The following RUNX2 variants were observed in gnomAD, a reference collection of about 807,000 sequenced individuals.
RUNX2 encodes RUNX family transcription factor 2.
A neutral mutation model predicts 51.7 loss-of-function variants in RUNX2; 10 were observed. The observed-to-expected ratio is 0.19, with a 90% CI of 0.12 to 0.33. RUNX2 has a LOEUF of 0.33. RUNX2 is among the 10% of genes least tolerant of loss of function. RUNX2 has a pLI of 1.00. For missense variants in RUNX2, 562 were observed against 691.3 expected, an observed-to-expected ratio of 0.81 and a Z score of 2.10; for synonymous variants, 276 against 273.6, an observed-to-expected ratio of 1.01 and a Z score of -0.09.
chr6:45,469,001 T>C (rs751215625), intron 5 of RUNX2, among the ~76,000 whole-genome samples: 15 of 152,250 alleles, frequency 9.9e-5, no homozygotes, highest in Non-Finnish European at 2.1e-4. Context: ...ACCTTTTGAT[T>C]TGAATATATT....
intron 2 of RUNX2, among the ~76,000 whole-genome samples, chr6:45,361,920 G>A (rs1028288387): frequency 2.0e-5 from 3 of 152,080 alleles, no homozygotes; most frequent in Non-Finnish European, 4.4e-5. Context: ...GCGTGGTAGC[G>A]CATGCCTGTA....
intron 4 of RUNX2, among the ~76,000 whole-genome samples, chr6:45,436,495 T>C (rs985626302): frequency 1.3e-5 from 2 of 152,082 alleles, no homozygotes; most frequent in Admixed American, 1.3e-4. Flanking sequence ...ACTTAATACG[T>C]TTCTAATTGT....
At chr6:45,351,209 T>G (rs562002923) in intron 2 of RUNX2, among the ~76,000 whole-genome samples, 1 of 152,094 alleles carries the variant, frequency 6.6e-6, no homozygotes, top group African/African-American at 2.4e-5. Flanking sequence ...AAAAAAATTA[T>G]GCTCTAAATT....
At chr6:45,534,343 T>C (rs997978814) in intron 7 of RUNX2, among the ~76,000 whole-genome samples, 3 of 152,212 alleles carry the variant, frequency 2.0e-5, no homozygotes, top group Non-Finnish European at 4.4e-5. Context: ...GCCTTCTTTC[T>C]CTGATGAAGC....
At chr6:45,340,641 C>G (rs538244583) in intron 2 of RUNX2, among the ~76,000 whole-genome samples, 1 of 150,494 alleles carries the variant, frequency 6.6e-6, no homozygotes, top group South Asian at 2.1e-4. Context: ...CGAGTTTGAT[C>G]AGAAAAAAAA....
intron 2 of RUNX2, among the ~76,000 whole-genome samples, chr6:45,338,494 T>C (rs530742759): frequency 5.1e-4 from 78 of 152,200 alleles, no homozygotes; most frequent in Non-Finnish European, 6.5e-4. Context: ...TTAAGAAACT[T>C]TGACAGCTAC....
At position 45,458,569 on chromosome 6, in the gene RUNX2, A is replaced by C. The variant is rs758336252; in HGVS notation, c.685+20518A>C. Among the ~76,000 whole-genome samples the C allele has an allele frequency of 5.3e-5, 8 of 152,212 alleles. 1 individual carries two copies. The highest frequency in any genetic ancestry group is 9.7e-5 in the African/African-American group (4 of 41,450). ...TACATTATGATCTCCTTCAGTTTCT[A>C]ATCCTTTTTGCCAAGTAAATAAATT... On this transcript the variant is annotated intron_variant, in intron 5 of 8. Coordinates refer to ENST00000647337, the MANE Select transcript of RUNX2 (RefSeq NM_001024630.4).
At chr6:45,538,087 C>G (rs1802092253) in intron 7 of RUNX2, among the ~76,000 whole-genome samples, 1 of 152,150 alleles carries the variant, frequency 6.6e-6, no homozygotes, top group Admixed American at 6.5e-5. Context: ...GTATTTCATG[C>G]CTTCCTATCA....
At chr6:45,460,456 T>G (rs1161406808) in intron 5 of RUNX2, among the ~76,000 whole-genome samples, 3 of 152,156 alleles carry the variant, frequency 2.0e-5, no homozygotes, top group Admixed American at 6.5e-5. Context: ...TGTTGAAAAT[T>G]AAGAGAAATG....
At chr6:45,446,243 A>T (rs1427115332) in intron 5 of RUNX2, among the ~76,000 whole-genome samples, 2 of 152,218 alleles carry the variant, frequency 1.3e-5, no homozygotes, top group Non-Finnish European at 2.9e-5. Context: ...ACTTGTGTTA[A>T]CAAGGTGCTG....
At chr6:45,515,284 A>C (rs1442056860) in intron 7 of RUNX2, among the ~76,000 whole-genome samples, 2 of 152,200 alleles carry the variant, frequency 1.3e-5, no homozygotes, top group Admixed American at 6.5e-5. Flanking sequence ...CAGCTCATAC[A>C]TATATCAGGC....
chr6:45,359,166 A>G (rs1793803177), intron 2 of RUNX2, among the ~76,000 whole-genome samples: 1 of 152,208 alleles, frequency 6.6e-6, no homozygotes, highest in African/African-American at 2.4e-5. Context: ...AAATAAAAAA[A>G]TCAATTATTT....
At chr6:45,524,979 C>T (rs1023969772) in intron 7 of RUNX2, among the ~76,000 whole-genome samples, 12 of 152,160 alleles carry the variant, frequency 7.9e-5, no homozygotes, top group African/African-American at 2.2e-4. Flanking sequence ...GGTGTGGTGG[C>T]GCACGCCTGT....
At chr6:45,535,676 A>G (rs992025757) in intron 7 of RUNX2, among the ~76,000 whole-genome samples, 6 of 152,068 alleles carry the variant, frequency 3.9e-5, no homozygotes, top group African/African-American at 1.4e-4. Context: ...AGGGGAGGTT[A>G]CTGTGGGCTA....
intron 2 of RUNX2, among the ~76,000 whole-genome samples, chr6:45,342,973 A>T (rs1315555832): frequency 1.3e-5 from 2 of 152,170 alleles, no homozygotes; most frequent in East Asian, 3.9e-4. Flanking sequence ...CTAGTACATA[A>T]CCCTGAGCAA....
intron 3 of RUNX2, 27 bp downstream of exon 3, chr6:45,422,984 C>G (rs892823321): frequency 1.2e-6 from 2 of 1,602,904 alleles, no homozygotes; most frequent in African/African-American, 1.3e-5. Flanking sequence ...CCCCCCGCCC[C>G]CGGCCGGGAG....
intron 7 of RUNX2, among the ~76,000 whole-genome samples, chr6:45,523,612 C>G (rs546664780): frequency 6.6e-6 from 1 of 151,576 alleles, no homozygotes; most frequent in Admixed American, 6.6e-5. Flanking sequence ...TGTTAACATG[C>G]AGAAATAGTT....
intron 7 of RUNX2, among the ~76,000 whole-genome samples, chr6:45,527,679 C>T (rs1801713070): frequency 6.6e-6 from 1 of 152,160 alleles, no homozygotes; most frequent in South Asian, 2.1e-4. Context: ...AAATACAGAA[C>T]TATTAACCTG....
intron 2 of RUNX2, among the ~76,000 whole-genome samples, chr6:45,418,299 G>T (rs553960114): frequency 1.1e-4 from 17 of 152,088 alleles, no homozygotes; most frequent in Admixed American, 6.5e-4. Context: ...CATTTTCTTT[G>T]TCTAGAAAGT....
Sources: gnomAD v4.1 joint callset for allele counts (sites outside exome capture counted in the v4.1 genomes callset) on GRCh38, gnomAD v4.1.1 for gene constraint, MANE v1.5 for transcripts, NCBI Gene and HGNC (gene_info 2026-07-23, HGNC 2026-07-21) for gene names.